SDK1: variants seen among roughly 807,000 people sequenced by gnomAD.
SDK1 encodes the protein sidekick cell adhesion molecule 1.
In SDK1, 157 loss-of-function variants were observed where a neutral mutation model predicts 245.5. The observed-to-expected ratio is 0.64, with a 90% CI of 0.56 to 0.73. The LOEUF is 0.73. Ranked by LOEUF, SDK1 falls within the 30% of genes least tolerant of loss-of-function variation. The pLI, the probability that SDK1 is intolerant of heterozygous loss-of-function variation, is 0.00. For synonymous variants in SDK1, 1,647 were observed against 1,278.5 expected, an observed-to-expected ratio of 1.29 and a Z score of -6.15; for missense variants, 3,583 against 3,002.3, an observed-to-expected ratio of 1.19 and a Z score of -4.52.
At chr7:4,248,223 C>T (rs1324507179) in intron 44 of SDK1, among the ~76,000 whole-genome samples, 1 of 152,074 alleles carries the variant, frequency 6.6e-6, no homozygotes, top group Non-Finnish European at 1.5e-5. Flanking sequence ...TACATGCACA[C>T]ACCTGCATAC....
At chr7:3,426,193 G>A (rs1021883804) in intron 1 of SDK1, among the ~76,000 whole-genome samples, 1 of 152,186 alleles carries the variant, frequency 6.6e-6, no homozygotes, top group Non-Finnish European at 1.5e-5. Flanking sequence ...GGAAGAGGAG[G>A]GCAGTGCTGG....
At chr7:3,790,643 C>G (rs1781051654) in intron 4 of SDK1, among the ~76,000 whole-genome samples, 1 of 152,126 alleles carries the variant, frequency 6.6e-6, no homozygotes, top group Admixed American at 6.5e-5. Flanking sequence ...CCCCATCTCA[C>G]TAAAAATACA....
chr7:3,405,558 GT>G (rs1779028679), intron 1 of SDK1, among the ~76,000 whole-genome samples: 1 of 152,154 alleles, frequency 6.6e-6, no homozygotes, highest in South Asian at 2.1e-4. Context: ...TGTTTTATCT[GT>G]TTGTTGCCTT....
intron 17 of SDK1, among the ~76,000 whole-genome samples, chr7:4,048,434 G>A (rs1789178994): frequency 6.6e-6 from 1 of 152,094 alleles, no homozygotes; most frequent in South Asian, 2.1e-4. Flanking sequence ...TGCTGGGCAC[G>A]GTAGACAATC....
At chr7:3,692,146 G>A (rs979821616) in intron 4 of SDK1, among the ~76,000 whole-genome samples, 1 of 152,020 alleles carries the variant, frequency 6.6e-6, no homozygotes, top group Non-Finnish European at 1.5e-5. Context: ...TAATTTTATT[G>A]TAATTATGAT....
chr7:3,461,788 G>T lies in SDK1; in HGVS notation c.299-157292G>T, dbSNP rs908081953. Among the ~76,000 whole-genome samples, 10 of 152,076 alleles carry T rather than the reference G, an allele frequency of 6.6e-5. No individual in the cohort carries two copies. In the South Asian group the frequency reaches 1.7e-3, roughly 25 times the overall value. On this transcript the variant is annotated intron_variant, in intron 1 of 44. Transcript: ENST00000404826. ...AATGACTGACCTGCATTTATCTTCAGCATTTCCTCCTTTTATTAAATATCT... is the reference window on the plus strand; with the variant it reads ...AATGACTGACCTGCATTTATCTTCATCATTTCCTCCTTTTATTAAATATCT...
chr7:3,692,479 T>C (rs930204549), intron 4 of SDK1, among the ~76,000 whole-genome samples: 3 of 152,172 alleles, frequency 2.0e-5, no homozygotes, highest in African/African-American at 7.2e-5. Context: ...TTACATATTT[T>C]TCAATAACAT....
chr7:3,942,648 G>T (rs1448474341), intron 5 of SDK1, among the ~76,000 whole-genome samples: 1 of 152,152 alleles, frequency 6.6e-6, no homozygotes, highest in East Asian at 1.9e-4. Context: ...TTTGGAGCAG[G>T]AAGATACTGA....
At chr7:4,152,714 C>T (rs1335143018) in intron 30 of SDK1, among the ~76,000 whole-genome samples, 1 of 152,232 alleles carries the variant, frequency 6.6e-6, no homozygotes, top group Non-Finnish European at 1.5e-5. Flanking sequence ...ATATTTTGTA[C>T]ACTGCCACAG....
intron 1 of SDK1, chr7:3,338,412 C>T (rs1302294141): frequency 5.7e-6 from 3 of 526,892 alleles, no homozygotes; most frequent in Admixed American, 4.4e-5. Context: ...GCACATTAAG[C>T]ACTCTTAAGA....
At chr7:4,054,771 T>C (rs749235167) in intron 19 of SDK1, among the ~76,000 whole-genome samples, 1 of 152,206 alleles carries the variant, frequency 6.6e-6, no homozygotes, top group Non-Finnish European at 1.5e-5. Flanking sequence ...GTTGAAGTTA[T>C]TCCTCACTAT....
At chr7:3,597,693 G>A (rs1431276859) in intron 1 of SDK1, among the ~76,000 whole-genome samples, 1 of 152,150 alleles carries the variant, frequency 6.6e-6, no homozygotes, top group Non-Finnish European at 1.5e-5. Flanking sequence ...CGGGGCCTAG[G>A]GGAGAGGGGC....
At chr7:3,330,663 A>C (rs1156992784) in intron 1 of SDK1, among the ~76,000 whole-genome samples, 1 of 152,126 alleles carries the variant, frequency 6.6e-6, no homozygotes, top group Admixed American at 6.5e-5. Context: ...AGCTATGTCA[A>C]CTTTTCTTTA....
chr7:3,798,344 A>T (rs1286414605), intron 4 of SDK1, among the ~76,000 whole-genome samples: 1 of 150,248 alleles, frequency 6.7e-6, no homozygotes, highest in Non-Finnish European at 1.5e-5. Flanking sequence ...CAGCCTCCCG[A>T]GTAGCTGGGA....
At chr7:3,311,958 G>A (rs190832073) in intron 1 of SDK1, among the ~76,000 whole-genome samples, 1 of 152,302 alleles carries the variant, frequency 6.6e-6, no homozygotes, top group East Asian at 1.9e-4. Context: ...CCTTGGGTCT[G>A]CATAGACTTG....
chr7:3,426,327 A>G (rs1443373690), intron 1 of SDK1, among the ~76,000 whole-genome samples: 1 of 152,300 alleles, frequency 6.6e-6, no homozygotes, highest in South Asian at 2.1e-4. Flanking sequence ...TGCTAAGTGC[A>G]GGAAGGCCCA....
chr7:4,226,114 CAAAACATT>C (rs1785430899), intron 40 of SDK1, among the ~76,000 whole-genome samples: 1 of 152,172 alleles, frequency 6.6e-6, no homozygotes, highest in South Asian at 2.1e-4. Context: ...CCTCATTACA[CAAAACATT>C]AAATGCTGTA....
At chr7:3,760,616 T>G (rs996510420) in intron 4 of SDK1, among the ~76,000 whole-genome samples, 7 of 152,232 alleles carry the variant, frequency 4.6e-5, no homozygotes, top group Non-Finnish European at 8.8e-5. Flanking sequence ...ATTTTGATCT[T>G]TCAGGATTGT....
At chr7:3,532,333 G>A (rs11973763) in intron 1 of SDK1, among the ~76,000 whole-genome samples, 14,904 of 152,146 alleles carry the variant, frequency 0.098, 1,060 homozygotes, top group African/African-American at 0.2. Context: ...ATTCTTTAAT[G>A]TTGGTCTTTT....
Sources: gnomAD v4.1 joint callset for allele counts (sites outside exome capture counted in the v4.1 genomes callset) on GRCh38, gnomAD v4.1.1 for gene constraint, MANE v1.5 for transcripts, NCBI Gene and HGNC (gene_info 2026-07-23, HGNC 2026-07-21) for gene names.